The following SRPRA variants were observed in gnomAD, a reference collection of about 807,000 sequenced individuals.
SRPRA encodes the protein signal recognition particle receptor subunit alpha.
In SRPRA, 30 loss-of-function variants were observed where a neutral mutation model predicts 61.1. The observed-to-expected ratio is 0.49, with a 90% CI of 0.37 to 0.67. The LOEUF (loss-of-function observed/expected upper bound fraction) is 0.67, where lower values mean the gene tolerates loss of function less well. Ranked by LOEUF, SRPRA falls within the 30% of genes least tolerant of loss-of-function variation. SRPRA has a pLI of 0.00. For missense variants in SRPRA, 759 were observed against 828.4 expected, an observed-to-expected ratio of 0.92 and a Z score of 1.03; for synonymous variants, 324 against 299.7, an observed-to-expected ratio of 1.08 and a Z score of -0.84.
chr11:126,256,620 C>G, the SRPRA span: 5 of 1,614,180 alleles, frequency 3.1e-6, no homozygotes, highest in South Asian at 5.5e-5. This position sits in a 1 kb window ranked among gnomAD's most constrained non-coding sequence, Gnocchi z 6.6. Flanking sequence ...TGGGCTGTGG[C>G]TGGACTGTGG....
chr11:126,255,170 T>C, the SRPRA span, among the ~76,000 whole-genome samples: 1 of 152,240 alleles, frequency 6.6e-6, no homozygotes, highest in Non-Finnish European at 1.5e-5. The surrounding 1 kb of genome is among the most constrained non-coding windows in gnomAD (Gnocchi z 4.6). Flanking sequence ...CCACATTTAT[T>C]CACACTTACT....
the SRPRA span, among the ~76,000 whole-genome samples, chr11:126,245,996 C>CAAAA: frequency 2.4e-5 from 2 of 82,236 alleles, no homozygotes; most frequent in Admixed American, 1.4e-4. Context: ...GACTCCGTCC[C>CAAAA]AAAAAAAAAA....
the SRPRA span, among the ~76,000 whole-genome samples, chr11:126,244,528 G>A: frequency 6.6e-6 from 1 of 152,250 alleles, no homozygotes; most frequent in East Asian, 1.9e-4. The surrounding 1 kb of genome is among the most constrained non-coding windows in gnomAD (Gnocchi z 4.5). Flanking sequence ...AGAAGGCTAG[G>A]CGTGGTGGCC....
chr11:126,239,718 T>C, the SRPRA span, among the ~76,000 whole-genome samples: 1 of 152,218 alleles, frequency 6.6e-6, no homozygotes, highest in African/African-American at 2.4e-5. Context: ...TTCACCATGT[T>C]GGCCAGGCTG....
At chr11:126,252,268 T>C in the SRPRA span, among the ~76,000 whole-genome samples, 2 of 152,348 alleles carry the variant, frequency 1.3e-5, no homozygotes, top group South Asian at 4.1e-4. This position sits in a 1 kb window ranked among gnomAD's most constrained non-coding sequence, Gnocchi z 4.7. Context: ...ATTACAGGCA[T>C]GAGCCACCAC....
chr11:126,268,697 C>G lies in SRPRA; in HGVS notation c.108G>C (p.Val36=). The change falls in exon 1 of 14, where the codon GTG becomes GTC. Residue 36 remains valine (V), a synonymous_variant. Coordinates refer to ENST00000332118, the MANE Select transcript of SRPRA (RefSeq NM_003139.4). ...CCCACGGGGACGGTACCTGCAGCAG[C>G]ACGGAACGAATCAACGCGTTAACGG... is the stretch of plus-strand genomic sequence containing the variant. ...TGPVNALIRS[V]LLQERGGNNS... 6.2e-7 allele frequency: 1 copy of G among 1,613,642 alleles called. No homozygotes were observed. The highest frequency in any genetic ancestry group is 8.5e-7 in the Non-Finnish European group (1 of 1,179,824).
the SRPRA span, among the ~76,000 whole-genome samples, chr11:126,245,702 G>GA: frequency 8.0e-5 from 12 of 149,202 alleles, no homozygotes; most frequent in South Asian, 6.4e-4. Context: ...CTCTAAAAAA[G>GA]AAAAAAAAAT....
intron 6 of SRPRA, 32 bp from the exon 7 acceptor site, chr11:126,266,310 G>A (rs1287717172): frequency 6.2e-7 from 1 of 1,609,878 alleles, no homozygotes; most frequent in Admixed American, 1.7e-5. Context: ...TGTGGGGTCA[G>A]GAACACTAAG....
rs2135244491 is a variant in SRPRA at position 126,267,752 on chromosome 11, A to G, written c.202-40T>C. ...AAACAGCCAACAGATCTGCTTACAT[A>G]CTAGCCTAGAATGGAGGGACGCCAA... On this transcript the variant is annotated intron_variant, in intron 2 of 13. Coordinates refer to ENST00000332118, the MANE Select transcript of SRPRA (RefSeq NM_003139.4). The surrounding 1 kb of genome is among the most constrained non-coding windows in gnomAD (Gnocchi z 4.2). 6.2e-7 allele frequency: 1 copy of G among 1,611,546 alleles called. No homozygotes were observed. The highest frequency in any genetic ancestry group is 1.3e-5 in the African/African-American group (1 of 75,004).
chr11:126,268,193 C>G, intron 1 of SRPRA, 107 bp from the exon 2 acceptor site: 1 of 902,458 alleles, frequency 1.1e-6, no homozygotes, highest in Non-Finnish European at 1.8e-6. Flanking sequence ...CCCCCAAACT[C>G]AAATCTGTCC....
At chr11:126,258,662 T>C (rs1950619903), downstream of SRPRA, among the ~76,000 whole-genome samples, 1 of 152,238 alleles carries the variant, frequency 6.6e-6, no homozygotes, top group Non-Finnish European at 1.5e-5. Flanking sequence ...CTGCTGTTGT[T>C]TGCCCACACT....
Position 126,265,352 on chromosome 11 carries a change from G to C in SRPRA, c.1227C>G (p.Ile409Met). Residue 409 changes from isoleucine to methionine, a missense_variant, in exon 10 of 14, where the codon ATC becomes ATG. Transcript: ENST00000332118. The surrounding 1 kb of genome is among the most constrained non-coding windows in gnomAD (Gnocchi z 6.3). Reference sequence around the variant, plus strand: ...GGCGCTGGCGACGCTGGGCATCCATGATGTCCCGGAGCATGTCTACACGAC... The same window carrying C: ...GGCGCTGGCGACGCTGGGCATCCATCATGTCCCGGAGCATGTCTACACGAC... ...PQRRVDMLRD[I>M]MDAQRRQRPY... 6.2e-7 allele frequency: 1 copy of C among 1,613,624 alleles called. No homozygotes were observed. Among genetic ancestry groups the C allele is most frequent in the Non-Finnish European group, 8.5e-7 (1 of 1,179,890 alleles).
Position 126,268,837 on chromosome 11 carries a change from C to T in SRPRA, c.-33G>A, listed in dbSNP as rs894275110. 1 of 1,582,060 alleles carries T rather than the reference C, an allele frequency of 6.3e-7. No homozygotes were observed. The stretch of plus-strand genomic sequence containing the variant: ...GCGGCAGAGGAGCTGGGGCCGGCGC[C>T]GGGAATTCAGGCCGCGTTCGCCGCC... On this transcript the variant is annotated 5_prime_UTR_variant, in exon 1 of 14. Transcript: ENST00000332118.
At chr11:126,266,132 G>T (rs1204698918) in intron 7 of SRPRA, 51 bp from the exon 8 acceptor site, 3 of 1,612,506 alleles carry the variant, frequency 1.9e-6, no homozygotes, top group East Asian at 2.2e-5. Flanking sequence ...GGCAGGAGTT[G>T]TATCTTACCA....
chr11:126,265,395 T>A lies in SRPRA; in HGVS notation c.1184A>T (p.Gln395Leu). 1 of 1,614,014 alleles carries A rather than the reference T, an allele frequency of 6.2e-7. No individual in the cohort carries two copies. Among genetic ancestry groups the A allele is most frequent in the South Asian group, 1.1e-5 (1 of 91,084 alleles). Residue 395 changes from glutamine (Q) to leucine (L), a missense_variant, in exon 10 of 14, where the codon CAG (glutamine) becomes CTG (leucine). Around this residue, in one of 2 missense-constraint regions of SRPRA, gnomAD observed 284 missense variants for 365.9 expected, o/e 0.78. Transcript: ENST00000332118. The surrounding 1 kb of genome is among the most constrained non-coding windows in gnomAD (Gnocchi z 6.3). ...VKQALQESLV[Q>L]ILQPQRRVDM... is the part of the protein sequence containing the mutation. The stretch of plus-strand genomic sequence containing the variant: ...TACACGACGCTGTGGCTGCAGAATC[T>A]GCACCAGGGACTCCTGTAGGGCTTG...
At chr11:126,244,584 A>G in the SRPRA span, among the ~76,000 whole-genome samples, 1 of 152,302 alleles carries the variant, frequency 6.6e-6, no homozygotes, top group South Asian at 2.1e-4. The surrounding 1 kb of genome is among the most constrained non-coding windows in gnomAD (Gnocchi z 4.5). Context: ...TGGGCGGATC[A>G]CCTGAGGTCG....
At chr11:126,250,541 CTG>C in the SRPRA span, 1 of 1,614,016 alleles carries the variant, frequency 6.2e-7, no homozygotes, top group Non-Finnish European at 8.5e-7. This position sits in a 1 kb window ranked among gnomAD's most constrained non-coding sequence, Gnocchi z 5.1. Flanking sequence ...TTTTCAAGGA[CTG>C]TTTATATGAA....
the SRPRA span, among the ~76,000 whole-genome samples, chr11:126,236,415 G>T: frequency 6.6e-6 from 1 of 152,114 alleles, no homozygotes; most frequent in Non-Finnish European, 1.5e-5. Context: ...TAGCCACTCT[G>T]TTCTGATTCC....
chr11:126,246,915 CAAA>C, the SRPRA span, among the ~76,000 whole-genome samples: 1 of 152,098 alleles, frequency 6.6e-6, no homozygotes, highest in African/African-American at 2.4e-5. Context: ...CCACTGGTGG[CAAA>C]TTTAGTTCTA....
Sources: gnomAD v4.1 joint callset for allele counts (sites outside exome capture counted in the v4.1 genomes callset) on GRCh38, gnomAD v4.1.1 for gene constraint, gnomAD v4.1.1 regional missense constraint, Gnocchi (gnomAD v3.1) non-coding constraint, MANE v1.5 for transcripts, NCBI Gene and HGNC (gene_info 2026-07-23, HGNC 2026-07-21) for gene names.